The following NDNF variants were observed in gnomAD, a reference collection of about 807,000 sequenced individuals.
The protein encoded by NDNF is protein NDNF.
Under a neutral mutation model 42.0 loss-of-function variants are expected in NDNF, and 16 were observed. That is an observed-to-expected ratio of 0.38 (90% CI 0.26 to 0.58). The LOEUF (loss-of-function observed/expected upper bound fraction) is 0.58, where lower values mean the gene tolerates loss of function less well. Ranked by LOEUF, NDNF falls within the 20% of genes least tolerant of loss-of-function variation. NDNF has a pLI of 0.67. For missense variants in NDNF, 616 were observed against 666.2 expected, an observed-to-expected ratio of 0.92 and a Z score of 0.83; for synonymous variants, 248 against 251.7, an observed-to-expected ratio of 0.99 and a Z score of 0.14.
intron 1 of NDNF, among the ~76,000 whole-genome samples, chr4:121,046,151 T>C (rs1196345876): frequency 6.6e-6 from 1 of 152,208 alleles, no homozygotes; most frequent in Non-Finnish European, 1.5e-5. Context: ...GAAGCCTATA[T>C]GGACATTGTA....
chr4:121,067,616 G>T (rs1207118353), intron 1 of NDNF, among the ~76,000 whole-genome samples: 2 of 151,778 alleles, frequency 1.3e-5, no homozygotes. Context: ...ATTGTAATAG[G>T]GCCAAATACC....
intron 1 of NDNF, among the ~76,000 whole-genome samples, chr4:121,069,908 G>A (rs1476162676): frequency 2.6e-5 from 4 of 152,036 alleles, no homozygotes; most frequent in African/African-American, 9.7e-5. Context: ...CTGAATATAG[G>A]TTTAGATTGA....
rs1189162466 is a variant in NDNF at position 121,035,738 on chromosome 4, T to G, written c.*526A>C. On this transcript the variant is annotated 3_prime_UTR_variant, in exon 4 of 4. Transcript: ENST00000379692. ...ACATTTTACTCAACAAACAAGAATT[T>G]ACAATAGCAATATAACTGACTAGAG... 3 of 152,620 alleles carry G rather than the reference T, an allele frequency of 2.0e-5. No homozygotes were observed. Among genetic ancestry groups the G allele is most frequent in the African/African-American group, 7.2e-5 (3 of 41,460 alleles). 9.5% of individuals were successfully genotyped at this position (152,620 alleles called of 1,614,324 possible).
intron 1 of NDNF, among the ~76,000 whole-genome samples, chr4:121,057,203 A>C (rs894964452): frequency 6.6e-6 from 1 of 152,304 alleles, no homozygotes; most frequent in Non-Finnish European, 1.5e-5. Flanking sequence ...AGAGAGGTGA[A>C]GACTGGGGAA....
In NDNF at chr4:121,055,142, A is replaced by G. The variant is rs374780314; in HGVS notation, c.-1-9304T>C. Reference sequence around the variant, plus strand: ...AGTGGAAAGCTCTTTAAGCACAGAAAGGCCATGAAGTGATCCAAGCTTTTT... The same window carrying G: ...AGTGGAAAGCTCTTTAAGCACAGAAGGGCCATGAAGTGATCCAAGCTTTTT... On this transcript the variant is annotated intron_variant, in intron 1 of 3. Transcript: ENST00000379692. Among the ~76,000 whole-genome samples, 7 of 152,296 alleles carry G rather than the reference A, an allele frequency of 4.6e-5. No individual in the cohort carries two copies. In the East Asian group the frequency reaches 1.2e-3, roughly 25 times the overall value.
intron 2 of NDNF, among the ~76,000 whole-genome samples, chr4:121,045,389 A>G (rs555035106): frequency 6.6e-6 from 1 of 152,176 alleles, no homozygotes; most frequent in East Asian, 1.9e-4. Context: ...TACTGAAAAG[A>G]AGAAAATAAT....
At chr4:121,066,272 C>T (rs1727498038) in intron 1 of NDNF, among the ~76,000 whole-genome samples, 1 of 152,140 alleles carries the variant, frequency 6.6e-6, no homozygotes, top group African/African-American at 2.4e-5. Context: ...ATGTTTTTCC[C>T]CAGTTTACTA....
chr4:121,051,693 G>C (rs1195502429), intron 1 of NDNF, among the ~76,000 whole-genome samples: 2 of 152,028 alleles, frequency 1.3e-5, no homozygotes, highest in Admixed American at 6.6e-5. Flanking sequence ...TTACCCATCT[G>C]GGTTAAACCA....
chr4:121,048,880 T>G (rs1433974594), intron 1 of NDNF, among the ~76,000 whole-genome samples: 1 of 152,166 alleles, frequency 6.6e-6, no homozygotes, highest in African/African-American at 2.4e-5. Flanking sequence ...TAATAAATTT[T>G]GTTGTATACA....
At chr4:121,071,782 A>T (rs1727608509) in intron 1 of NDNF, 1 of 150,666 alleles carries the variant, frequency 6.6e-6, no homozygotes, top group Non-Finnish European at 1.5e-5. Flanking sequence ...AAAAAAAAAA[A>T]CGAGGGAAAC....
chr4:121,039,839 T>A, intron 3 of NDNF, 91 bp downstream of exon 3: 1 of 1,449,356 alleles, frequency 6.9e-7, no homozygotes, highest in African/African-American at 1.4e-5. Flanking sequence ...CCATGCTGCC[T>A]TTTCTTACTA....
chr4:121,051,153 G>A (rs1727187566), intron 1 of NDNF, among the ~76,000 whole-genome samples: 1 of 152,070 alleles, frequency 6.6e-6, no homozygotes, highest in South Asian at 2.1e-4. Flanking sequence ...CTTGCGAGCA[G>A]GTAAATACTA....
chr4:121,069,239 T>C (rs1209262532), intron 1 of NDNF, among the ~76,000 whole-genome samples: 1 of 152,202 alleles, frequency 6.6e-6, no homozygotes, highest in Non-Finnish European at 1.5e-5. Context: ...CGACCTGGTA[T>C]TGGCAATGTT....
At chr4:121,052,895 C>T (rs1336623789) in intron 1 of NDNF, among the ~76,000 whole-genome samples, 26 of 152,298 alleles carry the variant, frequency 1.7e-4, no homozygotes, top group Non-Finnish European at 1.5e-5. Context: ...TATGGGCTGA[C>T]ATTTCCATAC....
Position 121,045,710 on chromosome 4 carries a change from G to C in NDNF, c.128C>G (p.Ser43Trp), listed in dbSNP as rs770226517. 2 of 1,613,962 alleles carry C rather than the reference G, an allele frequency of 1.2e-6. No individual in the cohort carries two copies. Among genetic ancestry groups the C allele is most frequent in the East Asian group, 4.5e-5 (2 of 44,896 alleles). The change falls in exon 2 of 4, where the codon TCG (serine) becomes TGG (tryptophan). Residue 43 changes from serine (S) to tryptophan (W), a missense_variant. By Grantham distance (177) the Ser-to-Trp change is radical. Transcript: ENST00000379692. ...TTCAGCTCCATCTGGAATTACTGAC[G>C]AATCATGAAAAAATGCCTTGTCCCG... Reference protein sequence around the residue: ...QIRDKAFFHDSSVIPDGAEIS... With the variant: ...QIRDKAFFHDWSVIPDGAEIS...
Position 121,039,218 on chromosome 4 carries a change from A to AAAGAC in NDNF, c.313+711_313+712insGTCTT, listed in dbSNP as rs368947540. Among the ~76,000 whole-genome samples, 282 of 41,410 alleles carry AAAGAC rather than the reference A, an allele frequency of 6.8e-3. 20 individuals carry two copies. The highest frequency in any genetic ancestry group is 0.059 in the East Asian group (33 of 564). The allele number at this position is 41,410 out of a possible 152,430, so 27.2% of individuals were successfully genotyped here. A position where few individuals can be genotyped will look rare whatever the true frequency, so the allele number is the denominator to read the frequency against. On this transcript the variant is annotated intron_variant, in intron 3 of 3. Transcript: ENST00000379692. ...TATATATATATATATATATATATAT[A>AAAGAC]TATATATATATATATATAAAGACTA...
chr4:121,046,871 C>A (rs2148765878), intron 1 of NDNF, among the ~76,000 whole-genome samples: 1 of 152,178 alleles, frequency 6.6e-6, no homozygotes, highest in South Asian at 2.1e-4. Context: ...CATGACAGGT[C>A]TCATGAAAAA....
At chr4:121,064,143 T>C (rs1016776077) in intron 1 of NDNF, among the ~76,000 whole-genome samples, 7 of 152,214 alleles carry the variant, frequency 4.6e-5, no homozygotes, top group African/African-American at 1.7e-4. Flanking sequence ...TTTTCATCAA[T>C]TTTGCTTCTA....
chr4:121,060,484 C>G (rs868386395), intron 1 of NDNF, among the ~76,000 whole-genome samples: 1 of 151,838 alleles, frequency 6.6e-6, no homozygotes, highest in African/African-American at 2.4e-5. Context: ...CCCAGCTTAC[C>G]TTTTTTACAT....
Sources: gnomAD v4.1 joint callset for allele counts (sites outside exome capture counted in the v4.1 genomes callset) on GRCh38, gnomAD v4.1.1 for gene constraint, MANE v1.5 for transcripts, NCBI Gene and HGNC (gene_info 2026-07-23, HGNC 2026-07-21) for gene names.